The following ABHD12 variants were observed in gnomAD, a reference collection of about 807,000 sequenced individuals.
ABHD12 encodes the protein lysophosphatidylserine lipase ABHD12.
In ABHD12, 43 loss-of-function variants were observed where a neutral mutation model predicts 58.3. The observed-to-expected ratio is 0.74, with a 90% confidence interval of 0.58 to 0.95. The LOEUF (loss-of-function observed/expected upper bound fraction) is 0.95, where lower values mean the gene tolerates loss of function less well. ABHD12 is among the 40% of genes least tolerant of loss of function. The pLI is 0.00. For synonymous variants in ABHD12, 219 were observed against 211.2 expected (o/e 1.04, Z -0.32); for missense variants, 539 against 537.2 (o/e 1.00, Z -0.03).
At chr20:25,340,473 G>A (rs2089440969) in intron 1 of ABHD12, among the ~76,000 whole-genome samples, 1 of 152,156 alleles carries the variant, frequency 6.6e-6, no homozygotes, top group Non-Finnish European at 1.5e-5. Context: ...CCCATGAGAG[G>A]AGTGTGAAAA....
chr20:25,317,190 C>T, intron 4 of ABHD12, 112 bp from the exon 5 acceptor site: 1 of 735,790 alleles, frequency 1.4e-6, no homozygotes, highest in Non-Finnish European at 2.5e-6. Flanking sequence ...AGGGCAGAAC[C>T]TCTTCCTTGG....
At chr20:25,305,094 T>C (rs2088711014) in intron 10 of ABHD12, among the ~76,000 whole-genome samples, 1 of 152,092 alleles carries the variant, frequency 6.6e-6, no homozygotes, top group African/African-American at 2.4e-5. Flanking sequence ...CTTGAACTCC[T>C]GACCTCAGGT....
At chr20:25,306,447 G>A (rs1187212263) in intron 10 of ABHD12, among the ~76,000 whole-genome samples, 3 of 152,112 alleles carry the variant, frequency 2.0e-5, no homozygotes, top group Non-Finnish European at 2.9e-5. Flanking sequence ...GTGCAATCAC[G>A]GTTCACTGCA....
At chr20:25,320,464 T>C in intron 3 of ABHD12, 146 bp from the exon 4 acceptor site, 2 of 1,074,376 alleles carry the variant, frequency 1.9e-6, no homozygotes, top group South Asian at 2.7e-5. Context: ...CAGATGGGGG[T>C]GGGTGGTAGA....
intron 1 of ABHD12, among the ~76,000 whole-genome samples, chr20:25,363,251 G>A (rs1158759215): frequency 7.3e-6 from 1 of 137,126 alleles, no homozygotes; most frequent in African/African-American, 2.8e-5. Flanking sequence ...AGACAGTCTC[G>A]CTCTGTTGCC....
At chr20:25,317,688 C>T (rs2088988235) in intron 4 of ABHD12, among the ~76,000 whole-genome samples, 1 of 152,256 alleles carries the variant, frequency 6.6e-6, no homozygotes, top group Non-Finnish European at 1.5e-5. Flanking sequence ...ACGGCTGCCT[C>T]CCGCCCCTCA....
intron 3 of ABHD12, among the ~76,000 whole-genome samples, chr20:25,321,378 C>T (rs1014438859): frequency 6.6e-6 from 1 of 152,270 alleles, no homozygotes; most frequent in African/African-American, 2.4e-5. Flanking sequence ...GGCCCCCAGG[C>T]TCCACTCTAG....
chr20:25,330,312 T>C (rs2089249850), intron 2 of ABHD12, among the ~76,000 whole-genome samples: 1 of 152,230 alleles, frequency 6.6e-6, no homozygotes, highest in Non-Finnish European at 1.5e-5. Flanking sequence ...CGGAGGGTCC[T>C]ACGCCCACGG....
intron 1 of ABHD12, among the ~76,000 whole-genome samples, chr20:25,382,605 T>A (rs1457451859): frequency 6.6e-6 from 1 of 152,128 alleles, no homozygotes; most frequent in Non-Finnish European, 1.5e-5. Flanking sequence ...CCTGTCTCCA[T>A]CGCTGTTAGC....
chr20:25,361,403 T>C (rs1401996460), intron 1 of ABHD12, among the ~76,000 whole-genome samples: 1 of 151,250 alleles, frequency 6.6e-6, no homozygotes, highest in African/African-American at 2.5e-5. Flanking sequence ...GCGTGTTTTT[T>C]GTTTTTTTTT....
chr20:25,320,154 A>T (rs1194001605), intron 4 of ABHD12, 45 bp downstream of exon 4: 5 of 1,611,136 alleles, frequency 3.1e-6, no homozygotes, highest in Non-Finnish European at 4.2e-6. Flanking sequence ...CACCCCAAAA[A>T]GGAGCCATGC....
At chr20:25,357,653 T>A (rs534839484) in intron 1 of ABHD12, among the ~76,000 whole-genome samples, 1 of 152,230 alleles carries the variant, frequency 6.6e-6, no homozygotes, top group South Asian at 2.1e-4. Context: ...ATGCAACATA[T>A]ATATAAAAGG....
intron 7 of ABHD12, 25 bp downstream of exon 7, chr20:25,309,421 G>C: frequency 2.5e-6 from 4 of 1,613,738 alleles, no homozygotes; most frequent in Non-Finnish European, 3.4e-6. Context: ...CCCACTAAAG[G>C]CTGCCTCCTG....
At chr20:25,337,107 T>C (rs995013944) in intron 2 of ABHD12, among the ~76,000 whole-genome samples, 6 of 151,946 alleles carry the variant, frequency 3.9e-5, no homozygotes, top group African/African-American at 1.2e-4. Context: ...ACTAAAAATA[T>C]AAAAAATTAG....
chr20:25,325,203 CAAAAAAAAAAA>C (rs376306392), intron 2 of ABHD12, among the ~76,000 whole-genome samples: 14 of 76,460 alleles, frequency 1.8e-4, no homozygotes, highest in African/African-American at 6.5e-4. Context: ...GACCCTGTTT[CAAAAAAAAAAA>C]AAAAAAAAAA....
intron 1 of ABHD12, among the ~76,000 whole-genome samples, chr20:25,387,123 T>A (rs1031024213): frequency 1.3e-5 from 2 of 151,878 alleles, no homozygotes; most frequent in Non-Finnish European, 2.9e-5. Context: ...AACAAAAAGC[T>A]CCCCACAACA....
intron 1 of ABHD12, among the ~76,000 whole-genome samples, chr20:25,378,424 A>G (rs1032688517): frequency 6.6e-6 from 1 of 152,222 alleles, no homozygotes. Context: ...TGACAGGGCC[A>G]CTTTCAGGTA....
At chr20:25,368,697 C>T (rs1331561864) in intron 1 of ABHD12, 2 of 1,359,360 alleles carry the variant, frequency 1.5e-6, no homozygotes, top group East Asian at 4.8e-5. Context: ...TGTCTGCAAA[C>T]AGGTTGAAGG....
chr20:25,319,831 T>C (rs2089032894), intron 4 of ABHD12, among the ~76,000 whole-genome samples: 1 of 152,206 alleles, frequency 6.6e-6, no homozygotes, highest in Non-Finnish European at 1.5e-5. Context: ...CCCCTCTGGC[T>C]GGGGAGCTCA....
Sources: gnomAD v4.1 joint callset for allele counts (sites outside exome capture counted in the v4.1 genomes callset) on GRCh38, gnomAD v4.1.1 for gene constraint, MANE v1.5 for transcripts, NCBI Gene and HGNC (gene_info 2026-07-23, HGNC 2026-07-21) for gene names.